Variants in SPON2 observed in about 807,000 individuals in gnomAD.
SPON2 encodes spondin 2.
In SPON2, 32 loss-of-function variants were observed where a neutral mutation model predicts 29.9. That is an observed-to-expected ratio of 1.07 (90% CI 0.81 to 1.44). The LOEUF is 1.44. Among genes scored for constraint, SPON2 ranks in the 40% most tolerant of loss-of-function variants. SPON2 has a pLI of 0.00. For synonymous variants in SPON2, 248 were observed against 209.1 expected (o/e 1.19, Z -1.61); for missense variants, 541 against 455.5 (o/e 1.19, Z -1.71).
At position 1,171,226 on chromosome 4, in the gene SPON2, CCCCCCGGACCCCG is replaced by C. The variant is rs746241904; in HGVS notation, c.444+24_444+36del. 22 of 1,430,606 alleles carry C rather than the reference CCCCCCGGACCCCG, an allele frequency of 1.5e-5. No homozygotes were observed. In the South Asian group the frequency reaches 3.1e-4, roughly 20 times the overall value. The allele number at this position is 1,430,606 out of a possible 1,614,324, so 88.6% of individuals were successfully genotyped here. ...AGCGGCTCAGCGCGCCTGGCCCCGG[CCCCCCGGACCCCG>C]CCCCCGGCCGGCCCCGCGCTCACCA... On this transcript the variant is annotated intron_variant, in intron 3 of 5. Transcript: ENST00000290902.
chr4:1,199,979 C>CG (rs1425014846), upstream of SPON2: 34 of 152,390 alleles, frequency 2.2e-4, no homozygotes, highest in African/African-American at 7.5e-4. The surrounding 1 kb of genome is among the most constrained non-coding windows in gnomAD (Gnocchi z 4.5). Flanking sequence ...CCTCTCCCCC[C>CG]AGCCTGAAGC....
chr4:1,203,685 G>A (rs1404305877), intron 1 of SPON2, among the ~76,000 whole-genome samples: 1 of 152,212 alleles, frequency 6.6e-6, no homozygotes, highest in African/African-American at 2.4e-5. Flanking sequence ...ACAGCCGCAT[G>A]TGAGGTTCCC....
At chr4:1,196,592 C>CCT (rs1427971679), upstream of SPON2, among the ~76,000 whole-genome samples, 2 of 152,208 alleles carry the variant, frequency 1.3e-5, no homozygotes, top group East Asian at 3.9e-4. Context: ...CCCACTTGGG[C>CCT]CTCTGGCTGT....
chr4:1,193,823 G>GGCGTGGGAAGGACGTGGGGGGGCA (rs1560209994), intron 1 of SPON2, among the ~76,000 whole-genome samples: 1 of 46,422 alleles, frequency 2.2e-5, no homozygotes, highest in African/African-American at 7.8e-5. Context: ...GTGGGGGGGT[G>GGCGTGGGAAGGACGTGGGGGGGCA]GCGTGGGAAG....
chr4:1,185,529 G>A (rs1020463441), intron 1 of SPON2, among the ~76,000 whole-genome samples: 3 of 151,110 alleles, frequency 2.0e-5, no homozygotes, highest in African/African-American at 7.3e-5. Context: ...CCAACATGGT[G>A]AAACCCCGTC....
chr4:1,195,367 G>A (rs1044944795), upstream of SPON2, among the ~76,000 whole-genome samples: 3 of 152,090 alleles, frequency 2.0e-5, no homozygotes, highest in East Asian at 1.9e-4. Context: ...CTGGCCCGTC[G>A]GTGGGCGCAT....
intron 5 of SPON2, among the ~76,000 whole-genome samples, chr4:1,168,812 G>T (rs901583253): frequency 6.6e-6 from 1 of 152,226 alleles, no homozygotes; most frequent in African/African-American, 2.4e-5. Context: ...CCTGGGGACA[G>T]GCATCCAGCG....
chr4:1,204,061 G>A (rs1371496936), intron 1 of SPON2, among the ~76,000 whole-genome samples: 1 of 152,054 alleles, frequency 6.6e-6, no homozygotes, highest in Non-Finnish European at 1.5e-5. Flanking sequence ...TAGTAGAGAT[G>A]TGGTTTCACC....
intron 1 of SPON2, among the ~76,000 whole-genome samples, chr4:1,206,453 G>C (rs961840524): frequency 1.3e-5 from 2 of 152,240 alleles, no homozygotes; most frequent in Admixed American, 1.3e-4. Flanking sequence ...AGAGGGCCAC[G>C]CTGTGACAGA....
chr4:1,195,680 G>T (rs968113533), upstream of SPON2, among the ~76,000 whole-genome samples: 1 of 152,234 alleles, frequency 6.6e-6, no homozygotes, highest in Non-Finnish European at 1.5e-5. Context: ...CCTGGTCATG[G>T]CCAGCAGCCC....
chr4:1,185,959 A>T (rs2108661008), intron 1 of SPON2, among the ~76,000 whole-genome samples: 1 of 152,220 alleles, frequency 6.6e-6, no homozygotes, highest in Middle Eastern at 3.4e-3. Flanking sequence ...AAAAGGCAAC[A>T]TCTGGCCGGG....
chr4:1,171,046 A>AG lies in SPON2; in HGVS notation c.588dup (p.Phe197LeufsTer68), dbSNP rs1727420185. On this transcript the variant is annotated frameshift_variant, in exon 4 of 6. Transcript: ENST00000290902. LOFTEE classifies it high-confidence loss of function. ...ATGGTGGCGAAGTTGGGGGAGGAGAAGGTGAAGCCGCTGTCCGTCCCGGCG... is the reference window on the plus strand; with the variant it reads ...ATGGTGGCGAAGTTGGGGGAGGAGAAGGGTGAAGCCGCTGTCCGTCCCGGCG... The AG allele has an allele frequency of 3.2e-6, 5 of 1,548,878 alleles. No individual in the cohort carries two copies. The African/African-American group carries it at 6.9e-5, about 21-fold the overall frequency.
At chr4:1,193,330 C>T (rs1240184950) in intron 1 of SPON2, among the ~76,000 whole-genome samples, 2 of 152,118 alleles carry the variant, frequency 1.3e-5, no homozygotes, top group African/African-American at 4.8e-5. Context: ...CCCACACACC[C>T]TTCATCACTG....
chr4:1,196,108 C>A (rs969683727), upstream of SPON2, among the ~76,000 whole-genome samples: 8 of 152,224 alleles, frequency 5.3e-5, no homozygotes, highest in Non-Finnish European at 1.2e-4. Flanking sequence ...CCGACAGGCC[C>A]TCTGCCTCTC....
chr4:1,188,509 A>G (rs1727846934), intron 1 of SPON2, among the ~76,000 whole-genome samples: 1 of 152,236 alleles, frequency 6.6e-6, no homozygotes, highest in Admixed American at 6.5e-5. Context: ...AATAGTAAGC[A>G]GAAGAGAGCT....
rs1157978709 is a variant in SPON2, at chr4:1,171,958, T to G, written c.114A>C (p.Arg38Ser). Reference protein sequence around the residue: ...PLGGESICSARALAKYSITFT... With the variant: ...PLGGESICSASALAKYSITFT... The stretch of plus-strand genomic sequence containing the variant: ...AGGTGATGCTGTATTTGGCCAGGGC[T>G]CTGGCGGAACAGATGGACTCTCCCC... The change falls in exon 2 of 6, where the codon AGA (arginine) becomes AGC (serine). Residue 38 changes from arginine (R) to serine (S), a missense_variant. Arg to Ser is a moderately radical substitution (Grantham distance 110). Transcript: ENST00000290902. The G allele has an allele frequency of 1.2e-6, 2 of 1,612,800 alleles. No homozygotes were observed. Among genetic ancestry groups the G allele is most frequent in the Non-Finnish European group, 1.7e-6 (2 of 1,179,840 alleles).
At chr4:1,174,779 C>T (rs1006394347), upstream of SPON2, among the ~76,000 whole-genome samples, 3 of 152,162 alleles carry the variant, frequency 2.0e-5, no homozygotes. Flanking sequence ...TTGTATTGTC[C>T]GGCTTAGTGG....
chr4:1,188,012 G>A (rs1727836615), intron 1 of SPON2, among the ~76,000 whole-genome samples: 1 of 151,290 alleles, frequency 6.6e-6, no homozygotes, highest in South Asian at 2.1e-4. Context: ...GACAAGCCTG[G>A]CCAACACGAT....
intron 4 of SPON2, 198 bp downstream of exon 4, chr4:1,170,801 G>C: frequency 1.0e-6 from 1 of 964,512 alleles, no homozygotes; most frequent in Non-Finnish European, 1.6e-6. Context: ...TCCTCCCTGC[G>C]GTGCTGTGAC....
Sources: gnomAD v4.1 joint callset for allele counts (sites outside exome capture counted in the v4.1 genomes callset) on GRCh38, gnomAD v4.1.1 for gene constraint, Gnocchi (gnomAD v3.1) non-coding constraint, MANE v1.5 for transcripts, NCBI Gene and HGNC (gene_info 2026-07-23, HGNC 2026-07-21) for gene names.